Variants in B3GLCT observed in about 807,000 individuals in gnomAD.
The protein encoded by B3GLCT is beta-1,3-glucosyltransferase.
A neutral mutation model predicts 63.4 loss-of-function variants in B3GLCT; 65 were observed. The ratio of observed to expected loss-of-function variants is 1.03; its 90% CI spans 0.84 to 1.26. B3GLCT has a LOEUF of 1.26. B3GLCT is among the 50% of genes most tolerant of loss of function. The pLI is 0.00. For missense variants in B3GLCT, 577 were observed against 604.8 expected (o/e 0.95, Z 0.48); for synonymous variants, 233 against 219.2 (o/e 1.06, Z -0.55).
chr13:31,309,093 C>T (rs1424469861), intron 12 of B3GLCT, among the ~76,000 whole-genome samples: 1 of 152,212 alleles, frequency 6.6e-6, no homozygotes, highest in African/African-American at 2.4e-5. Flanking sequence ...CAGCAGAGCA[C>T]TGTGACTTCA....
Position 31,247,068 on chromosome 13 carries a change from G to A in B3GLCT, c.316G>A (p.Gly106Ser). 4 of 1,613,028 alleles carry A rather than the reference G, an allele frequency of 2.5e-6. No homozygotes were observed. Among genetic ancestry groups the A allele is most frequent in the Non-Finnish European group, 3.4e-6 (4 of 1,179,774 alleles). ...LLLHQLAKQE[G>S]AWTILPLLPH... ...CCTTCATCAGCTGGCTAAACAAGAA[G>A]GTGCATGGACCATACTTCCGTTGTT... Residue 106 changes from glycine (G) to serine (S), a missense_variant, in exon 5 of 15, where the codon GGT becomes AGT. Coordinates refer to ENST00000343307, the MANE Select transcript of B3GLCT (RefSeq NM_194318.4).
At chr13:31,261,107 G>A (rs1225383827) in intron 7 of B3GLCT, 25 bp downstream of exon 7, 27 of 1,599,552 alleles carry the variant, frequency 1.7e-5, no homozygotes, top group Middle Eastern at 1.7e-4. Flanking sequence ...GAATTTTTTC[G>A]GGGGGCGGGA....
At chr13:31,287,560 G>A (rs1474782052) in intron 12 of B3GLCT, among the ~76,000 whole-genome samples, 1 of 151,948 alleles carries the variant, frequency 6.6e-6, no homozygotes, top group Non-Finnish European at 1.5e-5. Flanking sequence ...AACTCAAGAA[G>A]ACTTACAGAA....
At chr13:31,236,942 C>G (rs1032958641) in intron 4 of B3GLCT, among the ~76,000 whole-genome samples, 3 of 152,112 alleles carry the variant, frequency 2.0e-5, no homozygotes, top group Non-Finnish European at 2.9e-5. Context: ...GCCTGGCCAA[C>G]ATGGTGAAAC....
chr13:31,249,109 A>G (rs1871319336), intron 6 of B3GLCT, among the ~76,000 whole-genome samples: 1 of 152,178 alleles, frequency 6.6e-6, no homozygotes, highest in African/African-American at 2.4e-5. Flanking sequence ...CTCATGGGGA[A>G]TAAAAGGCAA....
chr13:31,239,439 A>G lies in B3GLCT; in HGVS notation c.271-7584A>G, dbSNP rs1450951349. 3.3e-5 allele frequency among the ~76,000 whole-genome samples: 5 copies of G among 152,354 alleles called. No homozygotes were observed. The East Asian group carries it at 9.6e-4, about 29-fold the overall frequency. ...TAAGGAGAGTTTGTGCAATGATCTA[A>G]TAAATCACCTGTTTGAGTTTATTTT... On this transcript the variant is annotated intron_variant, in intron 4 of 14. Transcript: ENST00000343307.
chr13:31,221,974 G>A (rs1021844590), intron 2 of B3GLCT, among the ~76,000 whole-genome samples: 60 of 151,872 alleles, frequency 4.0e-4, no homozygotes, highest in African/African-American at 1.2e-3. Flanking sequence ...GAGTTCCTCC[G>A]TTGATTTACA....
chr13:31,260,863 T>A, intron 6 of B3GLCT, 83 bp from the exon 7 acceptor site: 1 of 1,318,108 alleles, frequency 7.6e-7, no homozygotes, highest in South Asian at 1.2e-5. Flanking sequence ...TATTTAATTA[T>A]CTGAAACCAA....
intron 12 of B3GLCT, chr13:31,311,585 C>G (rs1874713424): frequency 6.6e-6 from 1 of 152,192 alleles, no homozygotes; most frequent in Admixed American, 6.5e-5. Flanking sequence ...AATTCAGTAG[C>G]CTAGAAATTG....
intron 2 of B3GLCT, among the ~76,000 whole-genome samples, chr13:31,217,465 A>G (rs1373160320): frequency 6.6e-6 from 1 of 152,178 alleles, no homozygotes; most frequent in Admixed American, 6.5e-5. Flanking sequence ...CCCACTGGTC[A>G]AATTTTGTTG....
chr13:31,317,723 A>G (rs1566096925), intron 13 of B3GLCT, 38 bp downstream of exon 13: 1 of 1,612,950 alleles, frequency 6.2e-7, no homozygotes, highest in East Asian at 2.2e-5. Context: ...TACTTTAAAC[A>G]TAAACTTCCC....
intron 12 of B3GLCT, among the ~76,000 whole-genome samples, chr13:31,297,917 G>A (rs1329226783): frequency 6.6e-6 from 1 of 152,038 alleles, no homozygotes; most frequent in African/African-American, 2.4e-5. Context: ...GAAGGGGTGT[G>A]GAGCTTCCAT....
rs1875868893 is a variant in B3GLCT at position 31,330,559 on chromosome 13, A to G, written c.*891A>G. On this transcript the variant is annotated 3_prime_UTR_variant, in exon 15 of 15. Coordinates refer to ENST00000343307, the MANE Select transcript of B3GLCT (RefSeq NM_194318.4). ...ACTCTTGTTTTTTTTTTTTTTTTAA[A>G]TGTTACTTAATGACTCTCTCCTGAC... 1 of 137,760 alleles carries G rather than the reference A, an allele frequency of 7.3e-6. No individual in the cohort carries two copies. The highest frequency in any genetic ancestry group is 1.6e-5 in the Non-Finnish European group (1 of 63,926). 8.5% of individuals were successfully genotyped at this position (137,760 alleles called of 1,614,324 possible). A position where few individuals can be genotyped will look rare whatever the true frequency, so the allele number is the denominator to read the frequency against.
intron 10 of B3GLCT, among the ~76,000 whole-genome samples, chr13:31,278,972 G>A (rs1390454780): frequency 6.6e-6 from 1 of 152,050 alleles, no homozygotes; most frequent in African/African-American, 2.4e-5. Flanking sequence ...AAAGACTTGG[G>A]TTTTCTGGCT....
chr13:31,208,301 C>A (rs1322760610), intron 1 of B3GLCT, among the ~76,000 whole-genome samples: 1 of 152,142 alleles, frequency 6.6e-6, no homozygotes, highest in Non-Finnish European at 1.5e-5. Flanking sequence ...CTTTTGTCTC[C>A]TTTGCAGTTT....
At position 31,200,079 on chromosome 13, in the gene B3GLCT, G is replaced by T; in HGVS notation, c.-6G>T. ...CCAGGTAGGGCGCTCAGCCTCCGCCGCCAGGATGCGGCCGCCCGCCTGCTG... is the reference window on the plus strand; with the variant it reads ...CCAGGTAGGGCGCTCAGCCTCCGCCTCCAGGATGCGGCCGCCCGCCTGCTG... On this transcript the variant is annotated 5_prime_UTR_variant, in exon 1 of 15. Coordinates refer to ENST00000343307, the MANE Select transcript of B3GLCT (RefSeq NM_194318.4). The T allele has an allele frequency of 4.4e-6, 6 of 1,368,152 alleles. No individual in the cohort carries two copies. The highest frequency in any genetic ancestry group is 5.7e-6 in the Non-Finnish European group (6 of 1,050,210). The allele number at this position is 1,368,152 out of a possible 1,614,324, so 84.8% of individuals were successfully genotyped here. A position where few individuals can be genotyped will look rare whatever the true frequency, so the allele number is the denominator to read the frequency against.
chr13:31,308,372 G>C (rs1235709732), intron 12 of B3GLCT, among the ~76,000 whole-genome samples: 1 of 57,214 alleles, frequency 1.7e-5, no homozygotes, highest in African/African-American at 4.5e-5. Flanking sequence ...AAAAAAAAAA[G>C]CTAGTCCCAC....
intron 1 of B3GLCT, among the ~76,000 whole-genome samples, chr13:31,205,029 C>A (rs1308562420): frequency 2.0e-5 from 3 of 152,114 alleles, no homozygotes; most frequent in Non-Finnish European, 2.9e-5. Flanking sequence ...TAAGTACTTA[C>A]ACAATTTTTT....
rs1555249043 is a variant in B3GLCT, at chr13:31,253,618, A to ACAAACAAAC, written c.459+5652_459+5653insCAAACAAAC. ...CTCAAAAAAAAAAAAAAAAAAAAAA[A>ACAAACAAAC]AAACTAGAGAAGCAAGAGCAAGCAA... is the stretch of plus-strand genomic sequence containing the variant. On this transcript the variant is annotated intron_variant, in intron 6 of 14. Transcript: ENST00000343307. Among the ~76,000 whole-genome samples the ACAAACAAAC allele has an allele frequency of 1.2e-4, 10 of 82,266 alleles. 2 individuals are homozygous for ACAAACAAAC. Among genetic ancestry groups the ACAAACAAAC allele is most frequent in the African/African-American group, 4.9e-5 (1 of 20,402 alleles). The allele number at this position is 82,266 out of a possible 152,430, so 54.0% of individuals were successfully genotyped here.
Sources: gnomAD v4.1 joint callset for allele counts (sites outside exome capture counted in the v4.1 genomes callset) on GRCh38, gnomAD v4.1.1 for gene constraint, MANE v1.5 for transcripts, NCBI Gene and HGNC (gene_info 2026-07-23, HGNC 2026-07-21) for gene names.